Variants in CAGE1 observed in about 807,000 individuals in gnomAD.
CAGE1 encodes cancer-associated gene 1 protein.
A neutral mutation model predicts 94.9 loss-of-function variants in CAGE1; 66 were observed. The ratio of observed to expected loss-of-function variants is 0.70; its 90% CI spans 0.57 to 0.85. The LOEUF is 0.85. CAGE1 is among the 40% of genes least tolerant of loss of function. CAGE1 has a pLI of 0.00. For synonymous variants in CAGE1, 319 were observed against 321.0 expected, an observed-to-expected ratio of 0.99 and a Z score of 0.07; for missense variants, 865 against 950.4, an observed-to-expected ratio of 0.91 and a Z score of 1.18.
chr6:7,366,102 C>T (rs560434655), intron 7 of CAGE1, among the ~76,000 whole-genome samples: 3 of 151,960 alleles, frequency 2.0e-5, no homozygotes, highest in Non-Finnish European at 2.9e-5. Flanking sequence ...CAAAATTATC[C>T]GGGCATGGTG....
intron 1 of CAGE1, among the ~76,000 whole-genome samples, chr6:7,388,063 A>G (rs1581705022): frequency 6.8e-6 from 1 of 147,814 alleles, no homozygotes; most frequent in Non-Finnish European, 1.5e-5. Flanking sequence ...AAAGTCTTTC[A>G]GTAACCTGTG....
chr6:7,373,756 T>C lies in CAGE1; in HGVS notation c.1063A>G (p.Asn355Asp), dbSNP rs199880823. 2 of 1,613,566 alleles carry C rather than the reference T, an allele frequency of 1.2e-6. No homozygotes were observed. Among genetic ancestry groups the C allele is most frequent in the East Asian group, 2.2e-5 (1 of 44,894 alleles). The change falls in exon 5 of 14, where the codon AAT becomes GAT. Residue 355 changes from asparagine to aspartate, a missense_variant. Physicochemically the swap from Asn to Asp is conservative, Grantham distance 23. Transcript: ENST00000502583. ...TKQQVFIDVI[N>D]KLKENVEELI... ...TCTTCAACATTCTCCTTTAGCTTATTGATGACATCAATGAACACTTGCTGT... is the reference window on the plus strand; with the variant it reads ...TCTTCAACATTCTCCTTTAGCTTATCGATGACATCAATGAACACTTGCTGT...
rs1270161887 is a variant in CAGE1, at chr6:7,362,977, T to TA, written c.2193+2490dup. Among the ~76,000 whole-genome samples the TA allele has an allele frequency of 1.3e-5, 2 of 152,252 alleles. No individual in the cohort carries two copies. Among genetic ancestry groups the TA allele is most frequent in the African/African-American group, 4.8e-5 (2 of 41,556 alleles). On this transcript the variant is annotated intron_variant, in intron 9 of 13. Coordinates refer to ENST00000502583, the MANE Select transcript of CAGE1 (RefSeq NM_001170692.2). The surrounding 1 kb of genome is among the most constrained non-coding windows in gnomAD (Gnocchi z 4.1). Reference sequence around the variant, plus strand: ...ATAAATACTTTTCAAAATGTAATACTAACAGGCTGGGCATGGTGGCTCACA... The same window carrying TA: ...ATAAATACTTTTCAAAATGTAATACTAAACAGGCTGGGCATGGTGGCTCACA...
At position 7,373,394 on chromosome 6, in the gene CAGE1, C is replaced by A; in HGVS notation, c.1425G>T (p.Arg475=). Reference sequence around the variant, plus strand: ...ACTCTTGTTCTTGGGCCTCTTTTTCCCGTTTCAACAAGTCCAAAGCAGAAG... The same window carrying A: ...ACTCTTGTTCTTGGGCCTCTTTTTCACGTTTCAACAAGTCCAAAGCAGAAG... The part of the protein sequence containing the change: ...ATASALDLLK[R]EKEAQEQEFL... Residue 475 remains arginine, a synonymous_variant, in exon 5 of 14, where the codon CGG becomes CGT. Transcript: ENST00000502583. 6.2e-7 allele frequency: 1 copy of A among 1,613,694 alleles called. No individual in the cohort carries two copies. Among genetic ancestry groups the A allele is most frequent in the Non-Finnish European group, 8.5e-7 (1 of 1,179,796 alleles).
intron 11 of CAGE1, among the ~76,000 whole-genome samples, chr6:7,349,230 G>A (rs189212292): frequency 6.6e-6 from 1 of 152,288 alleles, no homozygotes; most frequent in Admixed American, 6.5e-5. Context: ...AACCCTACAA[G>A]CTAGAAGGGT....
intron 11 of CAGE1, among the ~76,000 whole-genome samples, chr6:7,349,915 G>C (rs1425767888): frequency 1.4e-5 from 2 of 141,442 alleles, no homozygotes; most frequent in Non-Finnish European, 3.0e-5. Flanking sequence ...TGGGCGACAA[G>C]AGTGAAACAC....
At chr6:7,342,797 T>C (rs1759234531) in intron 11 of CAGE1, among the ~76,000 whole-genome samples, 1 of 152,210 alleles carries the variant, frequency 6.6e-6, no homozygotes, top group Non-Finnish European at 1.5e-5. Flanking sequence ...ATTTAAGTCC[T>C]TGATCCATCT....
At chr6:7,327,932 A>AAAATAAATAAATAAATAAAT (rs56109246) in intron 13 of CAGE1, among the ~76,000 whole-genome samples, 29 of 149,660 alleles carry the variant, frequency 1.9e-4, no homozygotes, top group Non-Finnish European at 3.3e-4. Context: ...CTCCGTCTAA[A>AAAATAAATAAATAAATAAAT]AAATAAATAA....
chr6:7,379,126 TTA>T (rs1352739902), intron 3 of CAGE1, 106 bp from the exon 4 acceptor site: 2 of 682,290 alleles, frequency 2.9e-6, no homozygotes, highest in African/African-American at 3.6e-5. Flanking sequence ...CACTTAAAAA[TTA>T]TATATTATTT....
intron 3 of CAGE1, among the ~76,000 whole-genome samples, chr6:7,384,040 T>C (rs1479084870): frequency 6.6e-6 from 1 of 152,240 alleles, no homozygotes; most frequent in Non-Finnish European, 1.5e-5. Flanking sequence ...TTATGACTTT[T>C]CTATGTAGAA....
rs1366329749 is a variant in CAGE1, at chr6:7,374,934, T to C, written c.688-803A>G. ...AATCCCAGCTACTTGGGAAGCTGAG[T>C]GAGGCAGCAGAATCACTTGAACGCA... On this transcript the variant is annotated intron_variant, in intron 4 of 13. Transcript: ENST00000502583. Among the ~76,000 whole-genome samples the C allele has an allele frequency of 2.6e-5, 4 of 151,844 alleles. No homozygotes were observed. The East Asian group carries it at 7.8e-4, about 29-fold the overall frequency.
chr6:7,375,710 C>G (rs1760718209), intron 4 of CAGE1, among the ~76,000 whole-genome samples: 1 of 152,092 alleles, frequency 6.6e-6, no homozygotes, highest in Non-Finnish European at 1.5e-5. Flanking sequence ...AGCAAGACAC[C>G]TTGTATCTAA....
intron 11 of CAGE1, among the ~76,000 whole-genome samples, chr6:7,347,776 G>A: frequency 6.6e-6 from 1 of 151,964 alleles, no homozygotes; most frequent in East Asian, 1.9e-4. Context: ...TGGGAGTTGG[G>A]TGAGGCCTGT....
Position 7,389,623 on chromosome 6 carries a change from G to A in CAGE1, c.-445C>T, listed in dbSNP as rs1331548622. ...CGCAGTAAACACAAAGTGGGGTACA[G>A]AAACGAAAACTCCGGGAAGAAACGG... On this transcript the variant is annotated 5_prime_UTR_variant, in exon 1 of 14. Transcript: ENST00000502583. 1.1e-5 allele frequency: 4 copies of A among 358,162 alleles called. No homozygotes were observed. The highest frequency in any genetic ancestry group is 2.1e-5 in the African/African-American group (1 of 47,812). The allele number at this position is 358,162 out of a possible 1,614,324, so 22.2% of individuals were successfully genotyped here. A position where few individuals can be genotyped will look rare whatever the true frequency, so the allele number is the denominator to read the frequency against.
intron 10 of CAGE1, 41 bp from the exon 11 acceptor site, chr6:7,355,152 A>G (rs1759907573): frequency 7.0e-7 from 1 of 1,424,758 alleles, no homozygotes; most frequent in Non-Finnish European, 9.7e-7. Flanking sequence ...TTCATTCTAG[A>G]ATTTTTATTT....
intron 11 of CAGE1, among the ~76,000 whole-genome samples, chr6:7,336,949 G>A (rs184453355): frequency 1.1e-3 from 173 of 152,264 alleles, no homozygotes; most frequent in African/African-American, 4.0e-3. Context: ...CTGGATAGAA[G>A]TTCTTTATTG....
chr6:7,348,178 C>A (rs995136180), intron 11 of CAGE1, among the ~76,000 whole-genome samples: 81 of 152,268 alleles, frequency 5.3e-4, no homozygotes, highest in African/African-American at 1.9e-3. Context: ...CCATTTCACC[C>A]CCCTGCCACG....
Position 7,339,261 on chromosome 6 carries a change from T to A in CAGE1, c.2370-5171A>T, listed in dbSNP as rs1759079658. ...TCCTAGGAGTTTGTAAGGCAGAGACTCTGCCTGGGCAATGGCACACAGACC... is the reference window on the plus strand; with the variant it reads ...TCCTAGGAGTTTGTAAGGCAGAGACACTGCCTGGGCAATGGCACACAGACC... On this transcript the variant is annotated intron_variant, in intron 11 of 13. Coordinates refer to ENST00000502583, the MANE Select transcript of CAGE1 (RefSeq NM_001170692.2). This position sits in a 1 kb window ranked among gnomAD's most constrained non-coding sequence, Gnocchi z 4.7. 7 of 1,585,146 alleles carry A rather than the reference T, an allele frequency of 4.4e-6. No homozygotes were observed. Among genetic ancestry groups the A allele is most frequent in the African/African-American group, 1.3e-5 (1 of 74,344 alleles).
chr6:7,341,708 T>C (rs1251206302), intron 11 of CAGE1: 4 of 705,042 alleles, frequency 5.7e-6, no homozygotes, highest in Admixed American at 5.3e-5. Context: ...TCAAAGCCAC[T>C]ATAGAAGGGA....
Sources: gnomAD v4.1 joint callset for allele counts (sites outside exome capture counted in the v4.1 genomes callset) on GRCh38, gnomAD v4.1.1 for gene constraint, Gnocchi (gnomAD v3.1) non-coding constraint, MANE v1.5 for transcripts, NCBI Gene and HGNC (gene_info 2026-07-23, HGNC 2026-07-21) for gene names.